The following SLC10A7 variants were observed in gnomAD, a reference collection of about 807,000 sequenced individuals.
SLC10A7 encodes the protein solute carrier family 10 member 7, also known as sodium/bile acid cotransporter 7.
Under a neutral mutation model 43.2 loss-of-function variants are expected in SLC10A7, and 29 were observed. The observed-to-expected ratio is 0.67, with a 90% CI of 0.50 to 0.92. SLC10A7 has a LOEUF of 0.92. SLC10A7 is among the 40% of genes least tolerant of loss of function. SLC10A7 has a pLI of 0.00. For synonymous variants in SLC10A7, 152 were observed against 144.8 expected (o/e 1.05, Z -0.35); for missense variants, 295 against 403.2 (o/e 0.73, Z 2.30).
In SLC10A7 at chr4:146,475,239, T is replaced by C. The variant is rs1184818542; in HGVS notation, c.396+28610A>G. Among the ~76,000 whole-genome samples, 3 of 152,176 alleles carry C rather than the reference T, an allele frequency of 2.0e-5. 1 individual carries two copies. On this transcript the variant is annotated intron_variant, in intron 4 of 11. Coordinates refer to ENST00000335472, the MANE Select transcript of SLC10A7 (RefSeq NM_001029998.6). ...CAGGCTAAAATAACTGAGCCTCATA[T>C]CTTCAGGAAACCCAGCTTCCCAAAC...
At chr4:146,493,288 A>G (rs1266157550) in intron 4 of SLC10A7, among the ~76,000 whole-genome samples, 1 of 152,238 alleles carries the variant, frequency 6.6e-6, no homozygotes, top group Non-Finnish European at 1.5e-5. Flanking sequence ...AGGAAGCCTG[A>G]TATTTAAAAT....
At chr4:146,369,833 ACAGAC>A (rs1736643714) in intron 5 of SLC10A7, among the ~76,000 whole-genome samples, 1 of 152,190 alleles carries the variant, frequency 6.6e-6, no homozygotes, top group Non-Finnish European at 1.5e-5. Flanking sequence ...ACTTAATTGT[ACAGAC>A]TGCTGATGTG....
At chr4:146,298,672 A>AATACACTTAGATGTATTGAAAT (rs1730946462) in intron 7 of SLC10A7, among the ~76,000 whole-genome samples, 1 of 152,218 alleles carries the variant, frequency 6.6e-6, no homozygotes, top group South Asian at 2.1e-4. Context: ...AGTATTTGTC[A>AATACACTTAGATGTATTGAAAT]CAAGCACTTA....
intron 4 of SLC10A7, among the ~76,000 whole-genome samples, chr4:146,454,157 G>A (rs1161894881): frequency 6.6e-6 from 1 of 151,778 alleles, no homozygotes; most frequent in East Asian, 1.9e-4. Flanking sequence ...GAAGAAATTT[G>A]TTACTTTAAG....
At chr4:146,455,066 T>C (rs1459359355) in intron 4 of SLC10A7, among the ~76,000 whole-genome samples, 1 of 151,866 alleles carries the variant, frequency 6.6e-6, no homozygotes, top group Non-Finnish European at 1.5e-5. Context: ...TTGGGTTTCC[T>C]ATCTCTTCCA....
rs1377781876 is a variant in SLC10A7, at chr4:146,318,143, A to T, written c.471+7818T>A. Among the ~76,000 whole-genome samples the T allele has an allele frequency of 2.6e-5, 4 of 151,926 alleles. No homozygotes were observed. In the South Asian group the frequency reaches 8.3e-4, roughly 32 times the overall value. ...GCCACTAATTTTCCCAATTTAAACA[A>T]AATCTTCTCTTCATATTTTATTACT... On this transcript the variant is annotated intron_variant, in intron 6 of 11. Coordinates refer to ENST00000335472, the MANE Select transcript of SLC10A7 (RefSeq NM_001029998.6).
intron 6 of SLC10A7, among the ~76,000 whole-genome samples, chr4:146,318,044 C>T (rs1394955050): frequency 6.6e-6 from 1 of 152,030 alleles, no homozygotes; most frequent in Non-Finnish European, 1.5e-5. Flanking sequence ...GGACATGTGT[C>T]CACAAGCTCT....
chr4:146,442,435 T>C (rs2149891246), intron 5 of SLC10A7: 1 of 1,025,726 alleles, frequency 9.7e-7, no homozygotes, highest in African/African-American at 1.7e-5. Flanking sequence ...CATGTTTCCT[T>C]TTCAAAATCC....
intron 4 of SLC10A7, among the ~76,000 whole-genome samples, chr4:146,494,415 C>T (rs1289762293): frequency 4.6e-5 from 7 of 152,128 alleles, no homozygotes; most frequent in Middle Eastern, 3.2e-3. Flanking sequence ...CTGGCCCTAA[C>T]GTCTGAGGCA....
chr4:146,495,822 C>T (rs926098050), intron 4 of SLC10A7, among the ~76,000 whole-genome samples: 4 of 150,740 alleles, frequency 2.7e-5, no homozygotes, highest in African/African-American at 9.8e-5. Context: ...GGCACATACA[C>T]ATACTTGTTA....
intron 5 of SLC10A7, among the ~76,000 whole-genome samples, chr4:146,330,496 C>T (rs1733455217): frequency 6.6e-6 from 1 of 152,148 alleles, no homozygotes; most frequent in South Asian, 2.1e-4. Context: ...TAGTCCTCAT[C>T]TAAAGTGCGA....
At chr4:146,393,283 T>A (rs1171269791) in intron 5 of SLC10A7, among the ~76,000 whole-genome samples, 1 of 151,934 alleles carries the variant, frequency 6.6e-6, no homozygotes, top group Non-Finnish European at 1.5e-5. Context: ...CATGCATTTT[T>A]AAAATTTAGC....
At chr4:146,361,501 A>T (rs1736045356) in intron 5 of SLC10A7, among the ~76,000 whole-genome samples, 1 of 152,262 alleles carries the variant, frequency 6.6e-6, no homozygotes, top group East Asian at 1.9e-4. Context: ...AGGCTGCAAC[A>T]GTTGCAGTAT....
chr4:146,462,489 C>T (rs1732629658), intron 4 of SLC10A7, among the ~76,000 whole-genome samples: 1 of 152,128 alleles, frequency 6.6e-6, no homozygotes, highest in Non-Finnish European at 1.5e-5. Context: ...CAAGGAAGAG[C>T]TCCCCCCAAA....
chr4:146,498,024 T>C (rs1456129802), intron 4 of SLC10A7, among the ~76,000 whole-genome samples: 1 of 152,164 alleles, frequency 6.6e-6, no homozygotes, highest in Admixed American at 6.5e-5. Context: ...AGTGTTTATC[T>C]TTTGCCTCCC....
intron 4 of SLC10A7, among the ~76,000 whole-genome samples, chr4:146,482,706 C>T (rs903898536): frequency 1.3e-5 from 2 of 152,052 alleles, no homozygotes; most frequent in Non-Finnish European, 2.9e-5. Flanking sequence ...ACTTTCCAAG[C>T]CTTGGCAGAG....
intron 10 of SLC10A7, among the ~76,000 whole-genome samples, chr4:146,264,086 T>A (rs954246085): frequency 6.6e-6 from 1 of 152,222 alleles, no homozygotes; most frequent in African/African-American, 2.4e-5. Context: ...ATCTGCCAAG[T>A]AGCAACTTCA....
chr4:146,499,703 C>T (rs1442002390), intron 4 of SLC10A7, among the ~76,000 whole-genome samples: 1 of 152,060 alleles, frequency 6.6e-6, no homozygotes, highest in Non-Finnish European at 1.5e-5. Flanking sequence ...ATCTTATACC[C>T]CTGGTCTACA....
chr4:146,422,185 T>C (rs781402722), intron 5 of SLC10A7, among the ~76,000 whole-genome samples: 10 of 151,998 alleles, frequency 6.6e-5, no homozygotes, highest in Non-Finnish European at 1.3e-4. Context: ...AATGGAGAAA[T>C]AAAACGCTCT....
Sources: gnomAD v4.1 joint callset for allele counts (sites outside exome capture counted in the v4.1 genomes callset) on GRCh38, gnomAD v4.1.1 for gene constraint, MANE v1.5 for transcripts, NCBI Gene and HGNC (gene_info 2026-07-23, HGNC 2026-07-21) for gene names.